The following RDX variants were observed in gnomAD, a reference collection of about 807,000 sequenced individuals.
The protein encoded by RDX is radixin, also known as deafness, autosomal recessive 24.
In RDX, 32 loss-of-function variants were observed where a neutral mutation model predicts 83.7. The ratio of observed to expected loss-of-function variants is 0.38; its 90% confidence interval spans 0.29 to 0.51. The LOEUF is 0.51. RDX is among the 20% of genes least tolerant of loss of function. The pLI is 0.87. For synonymous variants in RDX, 229 were observed against 222.7 expected (o/e 1.03, Z -0.25); for missense variants, 600 against 689.9 (o/e 0.87, Z 1.46).
At chr11:110,278,740 G>A (rs188503873) in intron 2 of RDX, among the ~76,000 whole-genome samples, 132 of 151,062 alleles carry the variant, frequency 8.7e-4, no homozygotes, top group Non-Finnish European at 7.5e-4. Flanking sequence ...CTCTAACAAT[G>A]CATACTTTGC....
chr11:110,278,773 T>G (rs567456512), intron 2 of RDX, among the ~76,000 whole-genome samples: 62 of 152,128 alleles, frequency 4.1e-4, no homozygotes, highest in Non-Finnish European at 8.1e-4. Flanking sequence ...CTTTAAGTCA[T>G]TCTGAAGTGT....
At chr11:110,274,891 A>G (rs1220339744) in intron 2 of RDX, among the ~76,000 whole-genome samples, 1 of 152,178 alleles carries the variant, frequency 6.6e-6, no homozygotes, top group Non-Finnish European at 1.5e-5. Context: ...ATTCTCGTAC[A>G]TGTCTCCGAG....
intron 9 of RDX, 86 bp downstream of exon 9, chr11:110,253,860 T>G: frequency 9.1e-7 from 1 of 1,099,366 alleles, no homozygotes; most frequent in Non-Finnish European, 1.4e-6. Context: ...AATACAAATT[T>G]AAGGTACATT....
At chr11:110,178,532 TG>T (rs1229842251) in intron 15 of RDX, among the ~76,000 whole-genome samples, 1 of 152,338 alleles carries the variant, frequency 6.6e-6, no homozygotes, top group East Asian at 1.9e-4. Flanking sequence ...GACTCATCTA[TG>T]ATGCTTGCAA....
intron 3 of RDX, among the ~76,000 whole-genome samples, chr11:110,265,108 T>TG (rs1859977789): frequency 1.2e-5 from 1 of 83,256 alleles, no homozygotes; most frequent in Admixed American, 1.1e-4. Context: ...TTTTTTTTTT[T>TG]GTTTTTTTTT....
At chr11:110,257,992 A>AT in intron 6 of RDX, 79 bp from the exon 7 acceptor site, 1 of 1,487,720 alleles carries the variant, frequency 6.7e-7, no homozygotes. Context: ...GGAATTAAAA[A>AT]TTAGTACTTT....
Position 110,245,868 on chromosome 11 carries a change from GT to G in RDX, c.1090+1834del, listed in dbSNP as rs539209321. Among the ~76,000 whole-genome samples the G allele has an allele frequency of 9.3e-4, 141 of 152,230 alleles. 1 individual carries two copies. Among genetic ancestry groups the G allele is most frequent in the African/African-American group, 3.3e-3 (137 of 41,546 alleles). ...ATCATTATACCAACTCTTTTCTGTG[GT>G]TTATCTTCTTGAAGATGGAATTCAC... On this transcript the variant is annotated intron_variant, in intron 10 of 13. Transcript: ENST00000645495.
At chr11:110,293,993 A>G (rs762338288) in intron 1 of RDX, among the ~76,000 whole-genome samples, 22 of 152,242 alleles carry the variant, frequency 1.4e-4, no homozygotes, top group Non-Finnish European at 2.6e-4. Context: ...TCAGACTATT[A>G]TATCAGATCA....
chr11:110,175,997 G>A (rs753312169), intron 15 of RDX, among the ~76,000 whole-genome samples: 12 of 152,190 alleles, frequency 7.9e-5, no homozygotes, highest in Non-Finnish European at 7.3e-5. Flanking sequence ...CAGTGGGAGA[G>A]GCGGGAGTGG....
chr11:110,288,416 C>T (rs931784517), intron 1 of RDX: 1 of 152,210 alleles, frequency 6.6e-6, no homozygotes, highest in African/African-American at 2.4e-5. Context: ...TCCAGTTCAA[C>T]TTCCTCATTT....
chr11:110,202,409 C>G (rs1863445812), intron 14 of RDX, among the ~76,000 whole-genome samples: 1 of 151,690 alleles, frequency 6.6e-6, no homozygotes, highest in Admixed American at 6.6e-5. Context: ...AAAAATCTGT[C>G]TAGTTTAGTA....
chr11:110,186,383 T>C (rs773757154), intron 15 of RDX, among the ~76,000 whole-genome samples: 1 of 152,172 alleles, frequency 6.6e-6, no homozygotes, highest in African/African-American at 2.4e-5. Flanking sequence ...CCTGTCATTA[T>C]CTTAATGCAT....
In RDX at chr11:110,253,943, T is replaced by C; in HGVS notation, c.959+3A>G. 1 of 1,613,076 alleles carries C rather than the reference T, an allele frequency of 6.2e-7. No homozygotes were observed. The highest frequency in any genetic ancestry group is 8.5e-7 in the Non-Finnish European group (1 of 1,179,400). On this transcript the variant is annotated splice_donor_region_variant and intron_variant, in intron 9 of 13. Coordinates refer to ENST00000645495, the MANE Select transcript of RDX (RefSeq NM_002906.4). ...TAAAAGTGAAAGGTCATAAACCCCA[T>C]ACCTTTCCAACTGCTTCTGATGTTT...
chr11:110,267,515 AACACACAC>A (rs71053877), intron 3 of RDX, among the ~76,000 whole-genome samples: 10,921 of 131,418 alleles, frequency 0.083, 493 homozygotes, highest in Non-Finnish European at 0.1. Flanking sequence ...TCCGTCTCAA[AACACACAC>A]ACACACACAC....
Position 110,240,040 on chromosome 11 carries a change from GTATCCAGCAA to G in RDX, c.1091-2398_1091-2389del, listed in dbSNP as rs562333140. 3.2e-3 allele frequency among the ~76,000 whole-genome samples: 483 copies of G among 152,168 alleles called. 1 individual carries two copies. Among genetic ancestry groups the G allele is most frequent in the African/African-American group, 9.8e-3 (407 of 41,512 alleles). ...TAGTATCCAGCAATATCCAGCAATA[GTATCCAGCAA>G]TATCCAGCAATATCCAAAACAAAGG... On this transcript the variant is annotated intron_variant, in intron 10 of 13. Transcript: ENST00000645495.
chr11:110,258,037 T>C, intron 6 of RDX, 69 bp downstream of exon 6: 1 of 1,463,738 alleles, frequency 6.8e-7, no homozygotes, highest in Non-Finnish European at 9.5e-7. Flanking sequence ...AATAATGTAA[T>C]AATAAATGTT....
At chr11:110,197,411 T>C (rs1863242105) in intron 15 of RDX, among the ~76,000 whole-genome samples, 1 of 152,176 alleles carries the variant, frequency 6.6e-6, no homozygotes, top group Non-Finnish European at 1.5e-5. Flanking sequence ...CTTCCAAGGG[T>C]GCCAACTATG....
At chr11:110,215,238 C>T (rs997603668) in intron 14 of RDX, among the ~76,000 whole-genome samples, 1 of 150,044 alleles carries the variant, frequency 6.7e-6, no homozygotes, top group African/African-American at 2.4e-5. Flanking sequence ...GGGTGGGCGC[C>T]TGTAGTCCCA....
Position 110,239,808 on chromosome 11 carries a change from G to A in RDX, c.1091-2156C>T, listed in dbSNP as rs1409120605. Among the ~76,000 whole-genome samples, 4 of 151,364 alleles carry A rather than the reference G, an allele frequency of 2.6e-5. No homozygotes were observed. In the East Asian group the frequency reaches 7.8e-4, roughly 29 times the overall value. ...GAATCACTTGAACCCGGGAGGTGGAGGTTGCCTGGGTGATAGAGGAAGACT... is the reference window on the plus strand; with the variant it reads ...GAATCACTTGAACCCGGGAGGTGGAAGTTGCCTGGGTGATAGAGGAAGACT... On this transcript the variant is annotated intron_variant, in intron 10 of 13. Coordinates refer to ENST00000645495, the MANE Select transcript of RDX (RefSeq NM_002906.4).
Sources: gnomAD v4.1 joint callset for allele counts (sites outside exome capture counted in the v4.1 genomes callset) on GRCh38, gnomAD v4.1.1 for gene constraint, MANE v1.5 for transcripts, NCBI Gene and HGNC (gene_info 2026-07-23, HGNC 2026-07-21) for gene names.